ULK4: variants seen among roughly 807,000 people sequenced by gnomAD.
ULK4 encodes unc-51 like kinase 4.
Under a neutral mutation model 160.6 loss-of-function variants are expected in ULK4, and 133 were observed. The observed-to-expected ratio is 0.83, with a 90% CI of 0.72 to 0.96. The LOEUF (loss-of-function observed/expected upper bound fraction) is 0.96. Among genes scored for constraint, ULK4 ranks in the 40% least tolerant of loss-of-function variants. ULK4 has a pLI of 0.00. For synonymous variants in ULK4, 534 were observed against 539.8 expected, an observed-to-expected ratio of 0.99 and a Z score of 0.15; for missense variants, 1,580 against 1,499.5, an observed-to-expected ratio of 1.05 and a Z score of -0.89.
chr3:41,288,279 C>T (rs995042303), intron 35 of ULK4, among the ~76,000 whole-genome samples: 3 of 152,224 alleles, frequency 2.0e-5, no homozygotes, highest in Non-Finnish European at 4.4e-5. Context: ...TCCACTCCTC[C>T]TTCACACAGC....
chr3:41,357,793 A>G (rs1482378007), intron 35 of ULK4, among the ~76,000 whole-genome samples: 3 of 152,210 alleles, frequency 2.0e-5, no homozygotes, highest in African/African-American at 7.2e-5. Context: ...ATGTAAGCTC[A>G]CTTAATTCAA....
chr3:41,697,728 C>G (rs56900697), intron 27 of ULK4, among the ~76,000 whole-genome samples: 5,280 of 152,142 alleles, frequency 0.035, 268 homozygotes, highest in African/African-American at 0.12. Context: ...AGTGGTTCTC[C>G]TGCCTCAGTC....
At chr3:41,602,342 G>A (rs975173279) in intron 31 of ULK4, among the ~76,000 whole-genome samples, 13 of 142,366 alleles carry the variant, frequency 9.1e-5, no homozygotes, top group Non-Finnish European at 1.7e-4. Flanking sequence ...AGGAAAGGAG[G>A]AAGGGAAAGG....
At chr3:41,361,532 T>A (rs989770669) in intron 35 of ULK4, among the ~76,000 whole-genome samples, 1 of 152,306 alleles carries the variant, frequency 6.6e-6, no homozygotes, top group South Asian at 2.1e-4. Context: ...CAAATAAAAC[T>A]GTTTAGAACT....
intron 30 of ULK4, among the ~76,000 whole-genome samples, chr3:41,636,603 T>C (rs1367493977): frequency 1.3e-5 from 2 of 150,878 alleles, no homozygotes; most frequent in African/African-American, 4.9e-5. Context: ...TTTATTGTTG[T>C]TTTTTTTTAA....
intron 34 of ULK4, among the ~76,000 whole-genome samples, chr3:41,403,934 G>GT (rs1181905429): frequency 6.6e-6 from 1 of 151,852 alleles, no homozygotes; most frequent in Non-Finnish European, 1.5e-5. Flanking sequence ...TGATTCTATT[G>GT]TTATTAGAGA....
chr3:41,864,997 C>T (rs1280883530), intron 17 of ULK4, among the ~76,000 whole-genome samples: 2 of 151,682 alleles, frequency 1.3e-5, no homozygotes, highest in Non-Finnish European at 2.9e-5. Context: ...GAAGGCCAGG[C>T]ACGGTGGCTC....
intron 32 of ULK4, among the ~76,000 whole-genome samples, chr3:41,474,050 A>G (rs2084069150): frequency 6.6e-6 from 1 of 152,206 alleles, no homozygotes; most frequent in African/African-American, 2.4e-5. Flanking sequence ...TCAAATGGCC[A>G]AGGCAATATT....
rs1575330367 is a variant in ULK4 at position 41,509,457 on chromosome 3, T to C, written c.3227-46204A>G. ...CTTGCTAGAGATCTAGACATCCAAA[T>C]ATAAGAAGCTCAAAGAACAACTGGG... On this transcript the variant is annotated intron_variant, in intron 32 of 36. Coordinates refer to ENST00000301831, the MANE Select transcript of ULK4 (RefSeq NM_017886.4). Among the ~76,000 whole-genome samples the C allele has an allele frequency of 3.3e-5, 5 of 152,046 alleles. No individual in the cohort carries two copies. The East Asian group carries it at 9.7e-4, about 29-fold the overall frequency.
intron 29 of ULK4, among the ~76,000 whole-genome samples, chr3:41,671,841 C>T (rs556834477): frequency 6.6e-6 from 1 of 151,876 alleles, no homozygotes; most frequent in Non-Finnish European, 1.5e-5. Context: ...AACTAATATC[C>T]AGAATATATA....
intron 32 of ULK4, among the ~76,000 whole-genome samples, chr3:41,553,964 C>T (rs1303341607): frequency 6.6e-6 from 1 of 152,058 alleles, no homozygotes; most frequent in Non-Finnish European, 1.5e-5. Context: ...TAGCCATCCC[C>T]ACTTCCCCCA....
chr3:41,428,726 A>G (rs975669168), intron 34 of ULK4, among the ~76,000 whole-genome samples: 1 of 152,204 alleles, frequency 6.6e-6, no homozygotes, highest in Non-Finnish European at 1.5e-5. Context: ...TATGGAAAAA[A>G]ATTGAAACTG....
intron 34 of ULK4, among the ~76,000 whole-genome samples, chr3:41,418,349 G>A (rs575152330): frequency 1.4e-5 from 2 of 144,488 alleles, no homozygotes; most frequent in South Asian, 2.4e-4. Flanking sequence ...TGGCGGGGGG[G>A]GGGGCACGTT....
intron 32 of ULK4, among the ~76,000 whole-genome samples, chr3:41,526,758 C>A (rs1318281875): frequency 2.0e-5 from 3 of 152,136 alleles, no homozygotes; most frequent in Non-Finnish European, 4.4e-5. Context: ...AGAGAATTCA[C>A]AATATTTGGC....
At chr3:41,732,234 G>C (rs1029935170) in intron 22 of ULK4, among the ~76,000 whole-genome samples, 1 of 151,938 alleles carries the variant, frequency 6.6e-6, no homozygotes, top group African/African-American at 2.4e-5. Flanking sequence ...CTGACAAGAG[G>C]TTAATATCCA....
chr3:41,896,234 T>C (rs553735887), intron 15 of ULK4, among the ~76,000 whole-genome samples: 113 of 152,278 alleles, frequency 7.4e-4, no homozygotes, highest in African/African-American at 2.7e-3. Context: ...GTAAAAGGTC[T>C]GTCTTATGAT....
chr3:41,511,837 A>C (rs1323964728), intron 32 of ULK4, among the ~76,000 whole-genome samples: 2 of 152,184 alleles, frequency 1.3e-5, no homozygotes, highest in African/African-American at 4.8e-5. Context: ...ATAACAAAAA[A>C]AGAAAACTAC....
chr3:41,500,079 A>T (rs1315711273), intron 32 of ULK4, among the ~76,000 whole-genome samples: 1 of 151,678 alleles, frequency 6.6e-6, no homozygotes, highest in African/African-American at 2.4e-5. Flanking sequence ...TTTTTCTCTT[A>T]AGGCTTTCTT....
intron 31 of ULK4, among the ~76,000 whole-genome samples, chr3:41,591,773 A>G (rs2031327158): frequency 6.6e-6 from 1 of 152,244 alleles, no homozygotes; most frequent in Admixed American, 6.5e-5. Context: ...CCATAAGAAT[A>G]AAGATAATTG....
Sources: gnomAD v4.1 joint callset for allele counts (sites outside exome capture counted in the v4.1 genomes callset) on GRCh38, gnomAD v4.1.1 for gene constraint, MANE v1.5 for transcripts, NCBI Gene and HGNC (gene_info 2026-07-23, HGNC 2026-07-21) for gene names.